The following VTA1 variants were observed in gnomAD, a reference collection of about 807,000 sequenced individuals.
The protein encoded by VTA1 is vacuolar protein sorting-associated protein VTA1 homolog.
VTA1 carries 24 observed loss-of-function variants against 36.9 expected under a neutral mutation model. The ratio of observed to expected loss-of-function variants is 0.65; its 90% CI spans 0.47 to 0.91. The LOEUF (loss-of-function observed/expected upper bound fraction) is 0.91. VTA1 is among the 40% of genes least tolerant of loss of function. The pLI, the probability that VTA1 is intolerant of heterozygous loss-of-function variation, is 0.00. For synonymous variants in VTA1, 142 were observed against 130.2 expected (o/e 1.09, Z -0.62); for missense variants, 393 against 377.2 (o/e 1.04, Z -0.35).
At chr6:142,200,256 T>A (rs914713319) in intron 6 of VTA1, among the ~76,000 whole-genome samples, 2 of 152,092 alleles carry the variant, frequency 1.3e-5, no homozygotes, top group African/African-American at 4.8e-5. Context: ...GTAGTAGGCC[T>A]ATCACAAAAT....
intron 7 of VTA1, among the ~76,000 whole-genome samples, chr6:142,205,611 A>G (rs1231304414): frequency 6.6e-6 from 1 of 152,180 alleles, no homozygotes; most frequent in Non-Finnish European, 1.5e-5. Flanking sequence ...ATACTTCTTT[A>G]GATACTCCAA....
At chr6:142,212,380 T>C (rs1193036942) in intron 7 of VTA1, among the ~76,000 whole-genome samples, 1 of 152,166 alleles carries the variant, frequency 6.6e-6, no homozygotes, top group Admixed American at 6.5e-5. Flanking sequence ...TGGAGGAAAC[T>C]TAAATGCATA....
At chr6:142,214,489 C>CA (rs1775968981) in intron 7 of VTA1, among the ~76,000 whole-genome samples, 1 of 152,182 alleles carries the variant, frequency 6.6e-6, no homozygotes, top group Admixed American at 6.5e-5. Context: ...AACTCACTGT[C>CA]ACAAGAACAG....
chr6:142,152,789 T>G (rs55755333), intron 1 of VTA1, among the ~76,000 whole-genome samples: 1 of 152,162 alleles, frequency 6.6e-6, no homozygotes, highest in African/African-American at 2.4e-5. Flanking sequence ...TCTATAATCT[T>G]AGAGCATATA....
Position 142,207,327 on chromosome 6 carries a change from G to A in VTA1, c.778+3262G>A, listed in dbSNP as rs186425203. Among the ~76,000 whole-genome samples the A allele has an allele frequency of 6.6e-5, 10 of 152,218 alleles. No homozygotes were observed. The Middle Eastern group carries it at 0.01, about 155-fold the overall frequency. ...GATCTGTCCTTGCCTTAACCCACAG[G>A]TAGCATCATGACTGCCTGCAGGGAA... On this transcript the variant is annotated intron_variant, in intron 7 of 7. Coordinates refer to ENST00000367630, the MANE Select transcript of VTA1 (RefSeq NM_016485.5).
intron 1 of VTA1, among the ~76,000 whole-genome samples, chr6:142,155,219 C>T (rs1304529435): frequency 6.6e-6 from 1 of 152,104 alleles, no homozygotes; most frequent in Non-Finnish European, 1.5e-5. Context: ...CGTTCAGATC[C>T]TTGCTGACAT....
At chr6:142,158,840 C>T (rs998586600) in intron 1 of VTA1, among the ~76,000 whole-genome samples, 1 of 152,058 alleles carries the variant, frequency 6.6e-6, no homozygotes, top group Non-Finnish European at 1.5e-5. Flanking sequence ...TCATAGTCTA[C>T]TGTCTCATAA....
chr6:142,195,171 C>G (rs1197011913), intron 5 of VTA1, among the ~76,000 whole-genome samples: 1 of 152,040 alleles, frequency 6.6e-6, no homozygotes, highest in Non-Finnish European at 1.5e-5. Flanking sequence ...TTTTTTCTTA[C>G]TTGAATGTTT....
chr6:142,215,777 A>G (rs946017056), intron 7 of VTA1, among the ~76,000 whole-genome samples: 1 of 152,232 alleles, frequency 6.6e-6, no homozygotes, highest in African/African-American at 2.4e-5. Flanking sequence ...GACATTAGAT[A>G]TATCAACCTT....
rs574700793 is a variant in VTA1 at position 142,198,505 on chromosome 6, C to G, written c.587C>G (p.Ser196Cys). The G allele has an allele frequency of 1.9e-5, 30 of 1,614,150 alleles. No individual in the cohort carries two copies. In the South Asian group the frequency reaches 3.0e-4, roughly 16 times the overall value. The part of the protein sequence containing the change: ...LPTQPTQPSS[S>C]STYDPSNMPS... The stretch of plus-strand genomic sequence containing the variant: ...ACTCAGCCAACTCAGCCATCATCAT[C>G]TTCAACTTATGACCCAAGCAACATG... Residue 196 changes from serine (S) to cysteine (C), a missense_variant, in exon 6 of 8, where the codon TCT (serine) becomes TGT (cysteine). By Grantham distance (112) the Ser-to-Cys change is moderately radical (BLOSUM62 -1). Transcript: ENST00000367630.
intron 7 of VTA1, among the ~76,000 whole-genome samples, chr6:142,210,351 G>C (rs1001468113): frequency 1.3e-5 from 2 of 152,114 alleles, no homozygotes; most frequent in Non-Finnish European, 2.9e-5. Context: ...AAATGCTCCA[G>C]GACATTGGTC....
intron 1 of VTA1, among the ~76,000 whole-genome samples, chr6:142,160,639 G>A (rs1218775906): frequency 6.6e-6 from 1 of 152,012 alleles, no homozygotes; most frequent in African/African-American, 2.4e-5. Context: ...ATGCTGGGCT[G>A]ATCATTGGTG....
intron 1 of VTA1, among the ~76,000 whole-genome samples, chr6:142,155,532 A>C (rs1778647192): frequency 6.6e-6 from 1 of 152,198 alleles, no homozygotes; most frequent in Non-Finnish European, 1.5e-5. Context: ...GAAAGTGTGG[A>C]ATACGGAATT....
At chr6:142,206,977 A>G (rs1273394267) in intron 7 of VTA1, among the ~76,000 whole-genome samples, 2 of 152,172 alleles carry the variant, frequency 1.3e-5, no homozygotes, top group Non-Finnish European at 1.5e-5. Context: ...TTGAACTCCA[A>G]AACTAGGGAC....
chr6:142,192,385 C>G (rs993054440), intron 5 of VTA1, among the ~76,000 whole-genome samples: 1 of 152,008 alleles, frequency 6.6e-6, no homozygotes, highest in Admixed American at 6.6e-5. Context: ...AGATTTTTGA[C>G]TTACAGTGGG....
chr6:142,181,552 T>A (rs1237871791), intron 4 of VTA1, among the ~76,000 whole-genome samples: 1 of 151,014 alleles, frequency 6.6e-6, no homozygotes, highest in Non-Finnish European at 1.5e-5. Context: ...GAGTAGAAGA[T>A]ATGTGAGAGT....
chr6:142,164,917 T>C (rs1369984869), intron 1 of VTA1, among the ~76,000 whole-genome samples: 1 of 152,222 alleles, frequency 6.6e-6, no homozygotes, highest in Non-Finnish European at 1.5e-5. Flanking sequence ...CTAATATCCC[T>C]GTCATCATGG....
At position 142,189,563 on chromosome 6, in the gene VTA1, G is replaced by T. The variant is rs373784312; in HGVS notation, c.520+29G>T. 7.1e-6 allele frequency: 11 copies of T among 1,553,666 alleles called. No individual in the cohort carries two copies. The African/African-American group carries it at 1.4e-4, about 19-fold the overall frequency. ...TGTATTTATTTATTCTGAGTAAAAG[G>T]ACTTAGTAGAATCATAATTATTCAG... On this transcript the variant is annotated intron_variant, in intron 5 of 7. Transcript: ENST00000367630.
chr6:142,187,502 A>G (rs1331752318), intron 4 of VTA1, among the ~76,000 whole-genome samples: 2 of 152,190 alleles, frequency 1.3e-5, no homozygotes, highest in African/African-American at 4.8e-5. Flanking sequence ...ACACAGGCAT[A>G]TTCAAATTCC....
Sources: allele counts gnomAD v4.1 joint callset (sites outside exome capture counted in the v4.1 genomes callset), GRCh38; gene constraint gnomAD v4.1.1; transcripts MANE v1.5; gene names NCBI Gene and HGNC (gene_info 2026-07-23, HGNC 2026-07-21).